The following FHIT variants were observed in gnomAD, a reference collection of about 807,000 sequenced individuals.
The protein encoded by FHIT is bis(5'-adenosyl)-triphosphatase.
A neutral mutation model predicts 17.9 loss-of-function variants in FHIT; 19 were observed. The observed-to-expected ratio is 1.06, with a 90% CI of 0.74 to 1.56. The LOEUF (loss-of-function observed/expected upper bound fraction) is 1.56. Ranked by LOEUF, FHIT falls within the 40% of genes most tolerant of loss-of-function variation. FHIT has a pLI of 0.00. For synonymous variants in FHIT, 81 were observed against 69.7 expected, an observed-to-expected ratio of 1.16 and a Z score of -0.81; for missense variants, 248 against 189.2, an observed-to-expected ratio of 1.31 and a Z score of -1.82.
intron 4 of FHIT, among the ~76,000 whole-genome samples, chr3:60,707,789 C>G (rs1355447769): frequency 1.3e-5 from 2 of 152,212 alleles, no homozygotes; most frequent in African/African-American, 4.8e-5. Context: ...CACTCCCAAA[C>G]AGATGCTGGT....
intron 3 of FHIT, among the ~76,000 whole-genome samples, chr3:60,927,002 C>T (rs926701919): frequency 2.0e-5 from 3 of 152,116 alleles, no homozygotes; most frequent in African/African-American, 4.8e-5. Context: ...TTCCACGGTG[C>T]CCCCCTCCCT....
At chr3:61,116,497 C>G (rs913104961) in intron 2 of FHIT, among the ~76,000 whole-genome samples, 14 of 152,040 alleles carry the variant, frequency 9.2e-5, no homozygotes, top group African/African-American at 3.4e-4. Context: ...GAGCAGAAGA[C>G]TAGAGTCATG....
rs893227420 is a variant in FHIT at position 61,076,912 on chromosome 3, T to C, written c.-163-34813A>G. Among the ~76,000 whole-genome samples the C allele has an allele frequency of 5.9e-5, 9 of 152,172 alleles. 1 individual carries two copies. The highest frequency in any genetic ancestry group is 5.2e-4 in the Admixed American group (8 of 15,258). ...CTTCATTCATTTAATTAAAAACAAG[T>C]TTATTATGCACATACAAGGAACATA... is the stretch of plus-strand genomic sequence containing the variant. On this transcript the variant is annotated intron_variant, in intron 2 of 9. Coordinates refer to ENST00000492590, the MANE Select transcript of FHIT (RefSeq NM_002012.4).
intron 5 of FHIT, among the ~76,000 whole-genome samples, chr3:60,147,759 G>C (rs1700303019): frequency 6.6e-6 from 1 of 152,178 alleles, no homozygotes; most frequent in Non-Finnish European, 1.5e-5. Flanking sequence ...GCTAGATGCA[G>C]TCAGCTGGAA....
chr3:60,423,967 G>A (rs79541292), intron 5 of FHIT, among the ~76,000 whole-genome samples: 2 of 152,084 alleles, frequency 1.3e-5, no homozygotes, highest in African/African-American at 4.8e-5. Context: ...AATTTATGTT[G>A]TACTTCTTTC....
intron 2 of FHIT, among the ~76,000 whole-genome samples, chr3:61,158,990 C>G (rs185298952): frequency 2.0e-5 from 3 of 152,186 alleles, no homozygotes; most frequent in Admixed American, 2.0e-4. Flanking sequence ...AAATCCAGCA[C>G]TGCTGCTAAT....
intron 5 of FHIT, among the ~76,000 whole-genome samples, chr3:60,257,023 C>A (rs1706033178): frequency 6.6e-6 from 1 of 152,144 alleles, no homozygotes; most frequent in South Asian, 2.1e-4. Flanking sequence ...TACAGGTTTA[C>A]TTTGACCTCC....
At chr3:60,361,075 A>G (rs931238209) in intron 5 of FHIT, among the ~76,000 whole-genome samples, 3 of 152,174 alleles carry the variant, frequency 2.0e-5, no homozygotes, top group Admixed American at 6.5e-5. Flanking sequence ...CCTGTTTCCT[A>G]CTACTCAGTG....
intron 3 of FHIT, among the ~76,000 whole-genome samples, chr3:60,914,031 T>C (rs1347267255): frequency 1.3e-5 from 2 of 152,200 alleles, no homozygotes; most frequent in Non-Finnish European, 2.9e-5. Flanking sequence ...ACTTTATTTC[T>C]TGACGGGAGA....
At chr3:60,325,256 A>T (rs779379543) in intron 5 of FHIT, among the ~76,000 whole-genome samples, 2 of 152,170 alleles carry the variant, frequency 1.3e-5, no homozygotes, top group Non-Finnish European at 2.9e-5. Flanking sequence ...GAGGGTTTTT[A>T]AAATGCCAAA....
intron 2 of FHIT, among the ~76,000 whole-genome samples, chr3:61,080,592 T>C (rs2106774261): frequency 6.6e-6 from 1 of 152,298 alleles, no homozygotes; most frequent in East Asian, 1.9e-4. Flanking sequence ...CACTAATGAG[T>C]ACATTTACAT....
At chr3:60,186,933 C>G (rs541736180) in intron 5 of FHIT, among the ~76,000 whole-genome samples, 1 of 152,124 alleles carries the variant, frequency 6.6e-6, no homozygotes, top group South Asian at 2.1e-4. Flanking sequence ...CTAGCTCCCA[C>G]TGATGTGTAT....
intron 7 of FHIT, among the ~76,000 whole-genome samples, chr3:59,928,535 C>T (rs745638329): frequency 1.8e-4 from 28 of 152,126 alleles, no homozygotes; most frequent in Non-Finnish European, 3.1e-4. Context: ...GAACTACTTA[C>T]AACTAAGTAA....
intron 7 of FHIT, among the ~76,000 whole-genome samples, chr3:59,937,331 A>G (rs1706290459): frequency 6.6e-6 from 1 of 152,136 alleles, no homozygotes; most frequent in Non-Finnish European, 1.5e-5. Flanking sequence ...GGAACAAAGG[A>G]CCCTTCACAG....
intron 5 of FHIT, among the ~76,000 whole-genome samples, chr3:60,444,387 G>A (rs376511462): frequency 9.9e-5 from 15 of 152,180 alleles, no homozygotes; most frequent in South Asian, 4.2e-4. Flanking sequence ...ATAAAGACAC[G>A]TGCACACGTA....
At position 61,062,929 on chromosome 3, in the gene FHIT, G is replaced by A. The variant is rs546339212; in HGVS notation, c.-163-20830C>T. Among the ~76,000 whole-genome samples the A allele has an allele frequency of 1.2e-4, 18 of 152,252 alleles. No individual in the cohort carries two copies. The South Asian group carries it at 3.7e-3, about 32-fold the overall frequency. The stretch of plus-strand genomic sequence containing the variant: ...TGCTACGCATTCCAAATGGCGCCTT[G>A]GAGGACTAACTGATATCATTAACAC... On this transcript the variant is annotated intron_variant, in intron 2 of 9. Coordinates refer to ENST00000492590, the MANE Select transcript of FHIT (RefSeq NM_002012.4).
At chr3:61,169,309 T>A (rs1866434) in intron 2 of FHIT, among the ~76,000 whole-genome samples, 70,448 of 151,946 alleles carry the variant, frequency 0.46, 17,153 homozygotes, top group East Asian at 0.85. Flanking sequence ...TCATCTTAAC[T>A]CTCTTTTAGT....
At chr3:60,093,624 G>A (rs559873270) in intron 5 of FHIT, among the ~76,000 whole-genome samples, 1 of 152,270 alleles carries the variant, frequency 6.6e-6, no homozygotes, top group African/African-American at 2.4e-5. Flanking sequence ...AGTGGCGGGT[G>A]AGCAAGCATT....
intron 7 of FHIT, among the ~76,000 whole-genome samples, chr3:59,963,475 G>A (rs866455561): frequency 8.6e-5 from 13 of 150,800 alleles, no homozygotes; most frequent in Middle Eastern, 6.9e-3. Flanking sequence ...AGAAGGAGGA[G>A]GAGAGAGAGA....
Sources: gnomAD v4.1 joint callset for allele counts (sites outside exome capture counted in the v4.1 genomes callset) on GRCh38, gnomAD v4.1.1 for gene constraint, MANE v1.5 for transcripts, NCBI Gene and HGNC (gene_info 2026-07-23, HGNC 2026-07-21) for gene names.